Variants in PATJ observed in about 807,000 individuals in gnomAD.
PATJ encodes PATJ crumbs cell polarity complex component, also known as inaD-like protein.
A neutral mutation model predicts 224.9 loss-of-function variants in PATJ; 190 were observed. The ratio of observed to expected loss-of-function variants is 0.84; its 90% CI spans 0.75 to 0.95. PATJ has a LOEUF of 0.95. Among genes scored for constraint, PATJ ranks in the 40% least tolerant of loss-of-function variants. The pLI, the probability that PATJ is intolerant of heterozygous loss-of-function variation, is 0.00. For missense variants in PATJ, 2,121 were observed against 2,270.3 expected (o/e 0.93, Z 1.34); for synonymous variants, 769 against 820.3 (o/e 0.94, Z 1.07).
chr1:61,771,748 T>C (rs1004610526), intron 6 of PATJ, 122 bp downstream of exon 6: 1 of 723,014 alleles, frequency 1.4e-6, no homozygotes, highest in Non-Finnish European at 2.1e-6. Context: ...AGATGGAGTT[T>C]CGCTCTTGTT....
chr1:62,106,121 A>ACACATACACAC (rs1558176204), intron 33 of PATJ, among the ~76,000 whole-genome samples: 1 of 31,308 alleles, frequency 3.2e-5, no homozygotes, highest in Non-Finnish European at 7.1e-5. Context: ...CACACACACA[A>ACACATACACAC]ACACACATAT....
intron 27 of PATJ, among the ~76,000 whole-genome samples, chr1:61,941,528 GTAGTCCCAGCTATTT>G (rs1677819515): frequency 1.3e-5 from 2 of 152,114 alleles, no homozygotes; most frequent in South Asian, 4.1e-4. Flanking sequence ...GCACACACCT[GTAGTCCCAGCTATTT>G]GATAGGCTGA....
At chr1:61,838,634 T>A (rs1010264897) in intron 17 of PATJ, among the ~76,000 whole-genome samples, 4 of 150,692 alleles carry the variant, frequency 2.7e-5, no homozygotes, top group Non-Finnish European at 5.9e-5. Context: ...CCTCCCAAAG[T>A]GCTGGGATTA....
rs1354969219 is a variant in PATJ, at chr1:61,827,444, G to GA, written c.1845dup (p.Ser616IlefsTer10). 1.2e-6 allele frequency: 2 copies of GA among 1,613,790 alleles called. No individual in the cohort carries two copies. The highest frequency in any genetic ancestry group is 2.2e-5 in the East Asian group (1 of 44,862). ...TAGGTCAATGGCATGCAGCTTTATG[G>GA]AAAATCTCGCCGAGAAGCAGTCTCC... On this transcript the variant is annotated frameshift_variant, in exon 16 of 44. Coordinates refer to ENST00000642238, the MANE Select transcript of PATJ (RefSeq NM_001350145.3). LOFTEE classifies it high-confidence loss of function.
chr1:61,837,340 A>T (rs1467461870), intron 17 of PATJ, among the ~76,000 whole-genome samples: 1 of 152,236 alleles, frequency 6.6e-6, no homozygotes, highest in Non-Finnish European at 1.5e-5. Flanking sequence ...GTTAGATTAC[A>T]AAAATTAATA....
chr1:62,006,518 A>G (rs1413812919), intron 28 of PATJ, among the ~76,000 whole-genome samples: 1 of 152,242 alleles, frequency 6.6e-6, no homozygotes, highest in African/African-American at 2.4e-5. Context: ...TATTGAAACA[A>G]ATCTCATTAA....
chr1:62,116,407 CAAAA>C, intron 35 of PATJ, 121 bp from the exon 36 acceptor site: 1 of 1,201,830 alleles, frequency 8.3e-7, no homozygotes, highest in Non-Finnish European at 1.1e-6. Flanking sequence ...ATGAAAGAAA[CAAAA>C]AGAAAACAAA....
intron 27 of PATJ, among the ~76,000 whole-genome samples, chr1:61,958,440 A>G (rs11807757): frequency 0.023 from 3,530 of 152,314 alleles, 126 homozygotes; most frequent in African/African-American, 0.08. Context: ...ATATCATTAT[A>G]TTATATTATT....
At chr1:61,901,181 A>G in intron 23 of PATJ, 101 bp from the exon 24 acceptor site, 3 of 565,602 alleles carry the variant, frequency 5.3e-6, no homozygotes, top group Non-Finnish European at 8.4e-6. Context: ...TCAAAAATTT[A>G]TATAAAATAT....
chr1:61,937,164 T>G (rs935243754), intron 27 of PATJ, among the ~76,000 whole-genome samples: 3 of 152,158 alleles, frequency 2.0e-5, no homozygotes, highest in Non-Finnish European at 4.4e-5. Context: ...ATGTAACATT[T>G]TTTCAGCTTT....
intron 27 of PATJ, among the ~76,000 whole-genome samples, chr1:61,963,540 G>A (rs1021177322): frequency 2.6e-5 from 4 of 152,010 alleles, no homozygotes; most frequent in African/African-American, 9.7e-5. Flanking sequence ...AGGTTGCAGT[G>A]AGCTGAGATT....
intron 21 of PATJ, among the ~76,000 whole-genome samples, chr1:61,882,091 G>A (rs748036692): frequency 2.0e-5 from 3 of 152,192 alleles, no homozygotes; most frequent in Non-Finnish European, 4.4e-5. Context: ...GGTCATGAGA[G>A]TGGAGCAGTG....
chr1:61,928,982 A>T (rs1444038933), intron 27 of PATJ, among the ~76,000 whole-genome samples: 1 of 152,206 alleles, frequency 6.6e-6, no homozygotes, highest in Non-Finnish European at 1.5e-5. Context: ...TATGAAGTGA[A>T]TAACACATTG....
intron 1 of PATJ, among the ~76,000 whole-genome samples, chr1:61,748,049 T>G (rs1482998167): frequency 6.6e-6 from 1 of 151,956 alleles, no homozygotes; most frequent in East Asian, 1.9e-4. Flanking sequence ...CCCTGCTAAT[T>G]TTTGCATTTT....
intron 28 of PATJ, among the ~76,000 whole-genome samples, chr1:62,007,057 A>G (rs1204453138): frequency 6.6e-6 from 1 of 152,250 alleles, no homozygotes; most frequent in Non-Finnish European, 1.5e-5. Context: ...TTATAATTGT[A>G]TGGGACCACC....
At chr1:61,915,886 A>G (rs1167008530) in intron 26 of PATJ, among the ~76,000 whole-genome samples, 1 of 151,894 alleles carries the variant, frequency 6.6e-6, no homozygotes, top group Admixed American at 6.6e-5. Flanking sequence ...TAGTAGAGAC[A>G]AGGTTTCACC....
In PATJ at chr1:61,754,172, A is replaced by T. The variant is rs1046336388; in HGVS notation, c.-35-8686A>T. 2.0e-5 allele frequency among the ~76,000 whole-genome samples: 3 copies of T among 152,352 alleles called. No homozygotes were observed. The East Asian group carries it at 5.8e-4, about 29-fold the overall frequency. On this transcript the variant is annotated intron_variant, in intron 1 of 43. Coordinates refer to ENST00000642238, the MANE Select transcript of PATJ (RefSeq NM_001350145.3). ...TTAATTTCTAGCTGTGACCAATTGT[A>T]GGTAGCCTATCTATGACAAGTTAGA...
intron 9 of PATJ, among the ~76,000 whole-genome samples, chr1:61,792,304 T>A (rs1435714998): frequency 6.6e-6 from 1 of 152,190 alleles, no homozygotes; most frequent in Non-Finnish European, 1.5e-5. Flanking sequence ...CAGAATTTAA[T>A]GACATTCAAA....
chr1:61,898,914 G>T (rs892907190), intron 22 of PATJ, among the ~76,000 whole-genome samples: 11 of 151,944 alleles, frequency 7.2e-5, no homozygotes, highest in Admixed American at 3.9e-4. Flanking sequence ...AGCCTCTCAA[G>T]TAGCTGGGAC....
Sources: allele counts gnomAD v4.1 joint callset (sites outside exome capture counted in the v4.1 genomes callset), GRCh38; gene constraint gnomAD v4.1.1; transcripts MANE v1.5; gene names NCBI Gene and HGNC (gene_info 2026-07-23, HGNC 2026-07-21).